NKAIN2: variants seen among roughly 807,000 people sequenced by gnomAD.
NKAIN2 encodes sodium/potassium-transporting ATPase subunit beta-1-interacting protein 2.
Under a neutral mutation model 32.6 loss-of-function variants are expected in NKAIN2, and 14 were observed. The observed-to-expected ratio is 0.43, with a 90% CI of 0.28 to 0.67. The LOEUF is 0.67. Ranked by LOEUF, NKAIN2 falls within the 30% of genes least tolerant of loss-of-function variation. The pLI is 0.17. For missense variants in NKAIN2, 198 were observed against 258.3 expected, an observed-to-expected ratio of 0.77 and a Z score of 1.60; for synonymous variants, 80 against 87.2, an observed-to-expected ratio of 0.92 and a Z score of 0.46.
intron 3 of NKAIN2, chr6:124,437,871 GA>G (rs1351434807): frequency 2.6e-5 from 9 of 345,720 alleles, no homozygotes; most frequent in African/African-American, 8.7e-5. Context: ...CTGATCTATT[GA>G]TTTTTTTTTT....
intron 1 of NKAIN2, among the ~76,000 whole-genome samples, chr6:123,905,846 C>T (rs756908560): frequency 2.6e-5 from 4 of 152,136 alleles, no homozygotes; most frequent in African/African-American, 4.8e-5. Flanking sequence ...CATGCTGTGA[C>T]ACATCAAGCT....
chr6:124,369,068 G>T (rs1339945208), intron 3 of NKAIN2, among the ~76,000 whole-genome samples: 2 of 152,086 alleles, frequency 1.3e-5, no homozygotes, highest in Admixed American at 6.6e-5. Context: ...CAAAACATAA[G>T]TATAAAAATT....
chr6:124,483,009 C>T (rs986852534), intron 3 of NKAIN2, among the ~76,000 whole-genome samples: 1 of 151,982 alleles, frequency 6.6e-6, no homozygotes, highest in Non-Finnish European at 1.5e-5. Flanking sequence ...GTAGTCCCAG[C>T]TACTCGGGAG....
At chr6:123,884,356 A>C (rs1202530775) in intron 1 of NKAIN2, among the ~76,000 whole-genome samples, 1 of 152,114 alleles carries the variant, frequency 6.6e-6, no homozygotes, top group Admixed American at 6.5e-5. Flanking sequence ...CTATCTCTTT[A>C]TAGCAGTGCA....
intron 1 of NKAIN2, among the ~76,000 whole-genome samples, chr6:124,134,414 G>A (rs1016627952): frequency 4.6e-5 from 7 of 152,222 alleles, no homozygotes; most frequent in South Asian, 4.2e-4. Flanking sequence ...TTAAGGGCAC[G>A]GTGGCTCATA....
At chr6:124,200,889 G>C (rs775763830) in intron 1 of NKAIN2, among the ~76,000 whole-genome samples, 1 of 152,006 alleles carries the variant, frequency 6.6e-6, no homozygotes. Flanking sequence ...TGCCATCTGC[G>C]TGCTAATTAA....
At chr6:124,635,826 T>G (rs1783753170) in intron 3 of NKAIN2, among the ~76,000 whole-genome samples, 1 of 151,932 alleles carries the variant, frequency 6.6e-6, no homozygotes, top group African/African-American at 2.4e-5. Flanking sequence ...AGAAGTAGAC[T>G]CCAATAAAAT....
At chr6:124,158,205 T>C (rs974221896) in intron 1 of NKAIN2, among the ~76,000 whole-genome samples, 1 of 152,156 alleles carries the variant, frequency 6.6e-6, no homozygotes, top group Non-Finnish European at 1.5e-5. Flanking sequence ...GCTGCCTTTT[T>C]CCTTTGTTCT....
intron 3 of NKAIN2, among the ~76,000 whole-genome samples, chr6:124,566,297 A>G (rs1780908141): frequency 6.6e-6 from 1 of 152,230 alleles, no homozygotes; most frequent in Non-Finnish European, 1.5e-5. Context: ...GAGAGAAGTC[A>G]GTATGGGCCT....
chr6:124,091,368 CATATTT>C (rs1441615355), intron 1 of NKAIN2, among the ~76,000 whole-genome samples: 1 of 151,844 alleles, frequency 6.6e-6, no homozygotes, highest in Non-Finnish European at 1.5e-5. Context: ...AGTCAATACA[CATATTT>C]ATATGTTTAT....
At chr6:124,400,365 A>G (rs1387962734) in intron 3 of NKAIN2, among the ~76,000 whole-genome samples, 2 of 152,214 alleles carry the variant, frequency 1.3e-5, no homozygotes, top group African/African-American at 4.8e-5. Flanking sequence ...CACGTTTTTC[A>G]TAGAACCAGT....
intron 2 of NKAIN2, among the ~76,000 whole-genome samples, chr6:124,331,461 A>T (rs1209755379): frequency 6.8e-6 from 1 of 147,938 alleles, no homozygotes; most frequent in Non-Finnish European, 1.5e-5. Flanking sequence ...CCTGCGAGGC[A>T]GACCTTGCAG....
chr6:124,167,426 A>G (rs891833659), intron 1 of NKAIN2, among the ~76,000 whole-genome samples: 3 of 152,134 alleles, frequency 2.0e-5, no homozygotes, highest in African/African-American at 4.8e-5. Flanking sequence ...GGGCTGAGAC[A>G]ATGGGGTTTT....
intron 3 of NKAIN2, among the ~76,000 whole-genome samples, chr6:124,543,011 C>G (rs1275330308): frequency 6.6e-6 from 1 of 152,036 alleles, no homozygotes; most frequent in Non-Finnish European, 1.5e-5. Flanking sequence ...TTTCACAGCA[C>G]TTGATAAACA....
chr6:123,978,943 C>A (rs1778767940), intron 1 of NKAIN2, among the ~76,000 whole-genome samples: 1 of 151,946 alleles, frequency 6.6e-6, no homozygotes, highest in Admixed American at 6.6e-5. Flanking sequence ...AGGACATTAC[C>A]CTGTAGTTTC....
intron 1 of NKAIN2, among the ~76,000 whole-genome samples, chr6:124,028,412 G>C (rs1290313849): frequency 9.6e-6 from 1 of 103,860 alleles, no homozygotes; most frequent in Non-Finnish European, 1.9e-5. Context: ...GAGGGGGGAG[G>C]GATAGCATTA....
At chr6:124,744,000 T>A (rs1777347170) in intron 4 of NKAIN2, among the ~76,000 whole-genome samples, 1 of 151,876 alleles carries the variant, frequency 6.6e-6, no homozygotes, top group Admixed American at 6.6e-5. Flanking sequence ...GACAAAATAA[T>A]TGTGATCAGT....
chr6:123,916,329 T>A lies in NKAIN2; in HGVS notation c.54+112075T>A, dbSNP rs1297496389. On this transcript the variant is annotated intron_variant, in intron 1 of 6. Transcript: ENST00000368417. The stretch of plus-strand genomic sequence containing the variant: ...GTGCAGTGGTGCAATCTCGGCACAC[T>A]GCAACCTCCACCTCCCTGGTTCAAA... Among the ~76,000 whole-genome samples, 4 of 152,144 alleles carry A rather than the reference T, an allele frequency of 2.6e-5. No individual in the cohort carries two copies. The East Asian group carries it at 7.7e-4, about 29-fold the overall frequency.
intron 1 of NKAIN2, among the ~76,000 whole-genome samples, chr6:124,137,924 T>C (rs1786905097): frequency 6.6e-6 from 1 of 152,038 alleles, no homozygotes; most frequent in Non-Finnish European, 1.5e-5. Flanking sequence ...GAAGATAACA[T>C]TGGTAAAACT....
Sources: gnomAD v4.1 joint callset for allele counts (sites outside exome capture counted in the v4.1 genomes callset) on GRCh38, gnomAD v4.1.1 for gene constraint, MANE v1.5 for transcripts, NCBI Gene and HGNC (gene_info 2026-07-23, HGNC 2026-07-21) for gene names.